The following ACCSL variants were observed in gnomAD, a reference collection of about 807,000 sequenced individuals.
ACCSL encodes the protein 1-aminocyclopropane-1-carboxylate synthase homolog (inactive) like.
Under a neutral mutation model 61.7 loss-of-function variants are expected in ACCSL, and 55 were observed. That is an observed-to-expected ratio of 0.89 (90% CI 0.72 to 1.12). The LOEUF (loss-of-function observed/expected upper bound fraction) is 1.12, where lower values mean the gene tolerates loss of function less well. Among genes scored for constraint, ACCSL ranks in the 50% most tolerant of loss-of-function variants. The pLI is 0.00. For missense variants in ACCSL, 632 were observed against 698.0 expected, an observed-to-expected ratio of 0.91 and a Z score of 1.07; for synonymous variants, 258 against 264.3, an observed-to-expected ratio of 0.98 and a Z score of 0.23.
At chr11:43,956,004 A>G in the ACCSL span, among the ~76,000 whole-genome samples, 1 of 151,918 alleles carries the variant, frequency 6.6e-6, no homozygotes, top group Non-Finnish European at 1.5e-5. Context: ...TTGAGCAATG[A>G]ATGATTCATG....
rs117257175 is a variant in ACCSL, at chr11:44,050,248, T to A, written c.564+127T>A. The A allele has an allele frequency of 8.4e-3, 6,850 of 814,158 alleles. 118 individuals are homozygous for A. The highest frequency in any genetic ancestry group is 0.046 in the East Asian group (1,842 of 40,194). The allele number at this position is 814,158 out of a possible 1,614,324, so 50.4% of individuals were successfully genotyped here. A position where few individuals can be genotyped will look rare whatever the true frequency, so the allele number is the denominator to read the frequency against. On this transcript the variant is annotated intron_variant, in intron 2 of 13. Coordinates refer to ENST00000378832, the MANE Select transcript of ACCSL (RefSeq NM_001031854.2). ...TGGGAAGAGGAGTGAAGAAATAGCT[T>A]CTAGAATAGCACATTTAACCTCCTG...
chr11:43,997,356 G>T, the ACCSL span, among the ~76,000 whole-genome samples: 1 of 152,008 alleles, frequency 6.6e-6, no homozygotes, highest in African/African-American at 2.4e-5. Flanking sequence ...GGATTCTTCC[G>T]GCTTCCTCCT....
At chr11:44,007,171 C>T in the ACCSL span, among the ~76,000 whole-genome samples, 2 of 152,248 alleles carry the variant, frequency 1.3e-5, no homozygotes, top group Admixed American at 6.5e-5. Flanking sequence ...GGCAGACTGC[C>T]TCAGGCCTGC....
chr11:44,047,684 C>T (rs191248779), upstream of ACCSL, among the ~76,000 whole-genome samples: 2 of 152,256 alleles, frequency 1.3e-5, no homozygotes, highest in Admixed American at 6.5e-5. Flanking sequence ...TCCTATTTAA[C>T]CAAACAAAGC....
At chr11:43,925,278 C>G in the ACCSL span, 1 of 434,360 alleles carries the variant, frequency 2.3e-6, no homozygotes, top group Admixed American at 2.4e-5. Context: ...GAGAGTAGTC[C>G]CTATCAAATG....
At chr11:44,057,827 G>T (rs1423017506) in intron 11 of ACCSL, among the ~76,000 whole-genome samples, 1 of 152,228 alleles carries the variant, frequency 6.6e-6, no homozygotes, top group East Asian at 1.9e-4. Flanking sequence ...TTAGATAAGA[G>T]GTGGGTGTAT....
the ACCSL span, among the ~76,000 whole-genome samples, chr11:44,015,925 A>G: frequency 2.6e-5 from 4 of 152,212 alleles, no homozygotes; most frequent in African/African-American, 7.2e-5. Context: ...ATGTAGTAAT[A>G]AATTATATTA....
chr11:44,017,064 C>T, the ACCSL span, among the ~76,000 whole-genome samples: 1 of 152,290 alleles, frequency 6.6e-6, no homozygotes, highest in East Asian at 1.9e-4. Flanking sequence ...CCAGCCTCTG[C>T]CCTCCTAGAG....
the ACCSL span, among the ~76,000 whole-genome samples, chr11:44,002,522 C>T: frequency 1.3e-5 from 2 of 152,140 alleles, no homozygotes; most frequent in Non-Finnish European, 2.9e-5. Context: ...CAAAGTCATC[C>T]CTGGCAACCA....
At chr11:43,985,442 G>C in the ACCSL span, among the ~76,000 whole-genome samples, 3 of 152,168 alleles carry the variant, frequency 2.0e-5, no homozygotes, top group African/African-American at 7.2e-5. Context: ...GGCAGGATCT[G>C]TTGCTGTGGT....
chr11:44,015,618 T>C, the ACCSL span, among the ~76,000 whole-genome samples: 1 of 152,190 alleles, frequency 6.6e-6, no homozygotes, highest in African/African-American at 2.4e-5. Context: ...ACTAGTGGTG[T>C]TTCGCTTCTA....
At chr11:44,041,931 C>T in the ACCSL span, among the ~76,000 whole-genome samples, 1 of 152,228 alleles carries the variant, frequency 6.6e-6, no homozygotes, top group South Asian at 2.1e-4. Context: ...ATCTTTTTAG[C>T]ATCTATAGAT....
chr11:43,943,300 C>T, the ACCSL span: 3 of 1,455,962 alleles, frequency 2.1e-6, no homozygotes, highest in Non-Finnish European at 2.7e-6. The surrounding 1 kb of genome is among the most constrained non-coding windows in gnomAD (Gnocchi z 4.8). Flanking sequence ...GGGGGACGCG[C>T]GCGTCCGCGG....
At chr11:44,013,358 C>T in the ACCSL span, among the ~76,000 whole-genome samples, 1 of 152,170 alleles carries the variant, frequency 6.6e-6, no homozygotes, top group African/African-American at 2.4e-5. Context: ...CGGCTCGCTG[C>T]AACCTCTGCC....
At chr11:43,925,060 G>C in the ACCSL span, 1 of 189,376 alleles carries the variant, frequency 5.3e-6, no homozygotes, top group Non-Finnish European at 1.1e-5. Context: ...TGGAGTGAGA[G>C]GGAAAGGAGG....
the ACCSL span, among the ~76,000 whole-genome samples, chr11:44,005,686 TGAAA>T: frequency 6.6e-6 from 1 of 152,142 alleles, no homozygotes; most frequent in African/African-American, 2.4e-5. Context: ...ATTTTACTAC[TGAAA>T]GTTTCATGTT....
At chr11:43,922,045 G>C in the ACCSL span, among the ~76,000 whole-genome samples, 2 of 152,210 alleles carry the variant, frequency 1.3e-5, no homozygotes, top group African/African-American at 4.8e-5. Flanking sequence ...CTAGGAATTA[G>C]AGGTGAAGCT....
the ACCSL span, among the ~76,000 whole-genome samples, chr11:43,970,080 C>A: frequency 6.6e-6 from 1 of 152,014 alleles, no homozygotes; most frequent in East Asian, 1.9e-4. Context: ...ACTTGGGAGA[C>A]CGATGCAGAA....
the ACCSL span, among the ~76,000 whole-genome samples, chr11:43,948,865 T>C: frequency 6.6e-6 from 1 of 152,152 alleles, no homozygotes; most frequent in East Asian, 1.9e-4. Flanking sequence ...TTTGAATCTA[T>C]TGCCTTCTTT....
Sources: allele counts gnomAD v4.1 joint callset (sites outside exome capture counted in the v4.1 genomes callset), GRCh38; gene constraint gnomAD v4.1.1; non-coding constraint Gnocchi (gnomAD v3.1); transcripts MANE v1.5; gene names NCBI Gene and HGNC (gene_info 2026-07-23, HGNC 2026-07-21).